CLSTN1: variants seen among roughly 807,000 people sequenced by gnomAD.
CLSTN1 encodes calsyntenin 1, also known as calsyntenin-1.
CLSTN1 carries 28 observed loss-of-function variants against 108.3 expected under a neutral mutation model. That is an observed-to-expected ratio of 0.26 (90% CI 0.19 to 0.35). The LOEUF is 0.35. CLSTN1 is among the 10% of genes least tolerant of loss of function. CLSTN1 has a pLI of 1.00. For synonymous variants in CLSTN1, 524 were observed against 534.9 expected (o/e 0.98, Z 0.28); for missense variants, 1,157 against 1,302.6 (o/e 0.89, Z 1.72).
chr1:9,793,277 T>C (rs892159642), intron 1 of CLSTN1, among the ~76,000 whole-genome samples: 4 of 151,402 alleles, frequency 2.6e-5, no homozygotes, highest in Non-Finnish European at 4.4e-5. Flanking sequence ...CCTCCCAAAG[T>C]GTTGGGATTA....
chr1:9,750,167 T>C (rs886585728), intron 5 of CLSTN1: 13 of 366,696 alleles, frequency 3.5e-5, no homozygotes, highest in Non-Finnish European at 4.9e-5. Flanking sequence ...CAGTGTTACA[T>C]TGGGCTTTAC....
chr1:9,802,321 A>G (rs1243529331), intron 1 of CLSTN1, among the ~76,000 whole-genome samples: 2 of 152,208 alleles, frequency 1.3e-5, no homozygotes, highest in East Asian at 3.8e-4. Flanking sequence ...TGGCTAAATT[A>G]TATCAGGCCA....
Position 9,741,145 on chromosome 1 carries a change from G to A in CLSTN1, c.1468C>T (p.Leu490Phe), listed in dbSNP as rs748347711. 1 of 1,614,182 alleles carries A rather than the reference G, an allele frequency of 6.2e-7. No individual in the cohort carries two copies. The highest frequency in any genetic ancestry group is 8.5e-7 in the Non-Finnish European group (1 of 1,180,018). Reference sequence around the variant, plus strand: ...TGAGTTTCTATCTTGGATGGATGGAGCGGGTAATCCTCAGTCACAGAGAAG... The same window carrying A: ...TGAGTTTCTATCTTGGATGGATGGAACGGGTAATCCTCAGTCACAGAGAAG... Reference protein sequence around the residue: ...EPFSVTEDYPLHPSKIETQLV... With the variant: ...EPFSVTEDYPFHPSKIETQLV... Residue 490 changes from leucine (L) to phenylalanine (F), a missense_variant, in exon 10 of 19, where the codon CTC (leucine) becomes TTC (phenylalanine). Coordinates refer to ENST00000377298, the MANE Select transcript of CLSTN1 (RefSeq NM_001009566.3).
intron 1 of CLSTN1, among the ~76,000 whole-genome samples, chr1:9,776,388 T>A: frequency 6.6e-6 from 1 of 152,164 alleles, no homozygotes; most frequent in East Asian, 1.9e-4. Flanking sequence ...AGTTGTTGTT[T>A]AATGGGTATA....
intron 10 of CLSTN1, among the ~76,000 whole-genome samples, chr1:9,738,945 C>A (rs928924697): frequency 5.9e-5 from 9 of 152,192 alleles, no homozygotes; most frequent in Non-Finnish European, 4.4e-5. Flanking sequence ...AGCCACTGCG[C>A]ACGGTCATCT....
At chr1:9,804,787 A>G (rs1654436061) in intron 1 of CLSTN1, among the ~76,000 whole-genome samples, 1 of 151,940 alleles carries the variant, frequency 6.6e-6, no homozygotes, top group African/African-American at 2.4e-5. Flanking sequence ...AGCCGAGTTT[A>G]TGCCACTGCA....
At chr1:9,757,366 C>T (rs1357291649) in intron 2 of CLSTN1, among the ~76,000 whole-genome samples, 8 of 151,150 alleles carry the variant, frequency 5.3e-5, no homozygotes, top group African/African-American at 1.9e-4. Flanking sequence ...CTCAGCCTCC[C>T]GAGTAGCTGG....
rs775282703 is a variant in CLSTN1, at chr1:9,735,641, G to T, written c.1735-26C>A. On this transcript the variant is annotated intron_variant, in intron 12 of 18. Coordinates refer to ENST00000377298, the MANE Select transcript of CLSTN1 (RefSeq NM_001009566.3). ...CTGAAATCACACCAGCCACAGAGAG[G>T]AGAAGAATAAGCCAGTAACCGCAGG... 28 of 1,613,574 alleles carry T rather than the reference G, an allele frequency of 1.7e-5. No homozygotes were observed. The South Asian group carries it at 1.8e-4, about 10-fold the overall frequency.
chr1:9,756,254 G>A (rs902059533), intron 3 of CLSTN1, among the ~76,000 whole-genome samples: 1 of 152,186 alleles, frequency 6.6e-6, no homozygotes, highest in African/African-American at 2.4e-5. Context: ...AAAATGTACA[G>A]TGTTATCCAT....
intron 4 of CLSTN1, among the ~76,000 whole-genome samples, chr1:9,754,376 A>AT (rs1651712661): frequency 6.6e-6 from 1 of 152,110 alleles, no homozygotes; most frequent in Non-Finnish European, 1.5e-5. Flanking sequence ...CCTGGCCAAC[A>AT]TGGTGAAACC....
chr1:9,747,324 CATGCATGGTTT>C (rs1161301712), intron 7 of CLSTN1, among the ~76,000 whole-genome samples: 1 of 151,092 alleles, frequency 6.6e-6, no homozygotes, highest in African/African-American at 2.4e-5. Context: ...ATTATACTTA[CATGCATGGTTT>C]AAAACAGAAA....
intron 6 of CLSTN1, 49 bp from the exon 7 acceptor site, chr1:9,749,695 C>T: frequency 1.2e-6 from 2 of 1,610,870 alleles, no homozygotes; most frequent in Non-Finnish European, 1.7e-6. Flanking sequence ...AAAACACACA[C>T]TCTAGGTTGC....
chr1:9,820,865 G>A (rs1179403121), intron 1 of CLSTN1, among the ~76,000 whole-genome samples: 1 of 152,206 alleles, frequency 6.6e-6, no homozygotes, highest in Non-Finnish European at 1.5e-5. Flanking sequence ...AGGGAAACAG[G>A]ATTTAGGGGT....
At chr1:9,755,042 C>T (rs1651744679) in intron 4 of CLSTN1, 72 bp downstream of exon 4, 1 of 1,266,108 alleles carries the variant, frequency 7.9e-7, no homozygotes, top group African/African-American at 1.5e-5. Flanking sequence ...AGGCAATAGT[C>T]ACTACTATTT....
At chr1:9,771,531 T>C (rs548435578) in intron 2 of CLSTN1, among the ~76,000 whole-genome samples, 3 of 152,224 alleles carry the variant, frequency 2.0e-5, no homozygotes, top group South Asian at 4.1e-4. Flanking sequence ...GGAGAACTGC[T>C]TGAACCCGGG....
chr1:9,774,282 C>T (rs2101164999), intron 1 of CLSTN1, among the ~76,000 whole-genome samples: 1 of 152,196 alleles, frequency 6.6e-6, no homozygotes, highest in Middle Eastern at 3.4e-3. Context: ...TAAGAATAAT[C>T]CATCCGGGCG....
intron 1 of CLSTN1, among the ~76,000 whole-genome samples, chr1:9,819,951 G>A (rs1050566050): frequency 6.6e-5 from 10 of 151,952 alleles, no homozygotes; most frequent in African/African-American, 2.4e-4. Context: ...TAGCCACAGA[G>A]CTACAGCCTT....
intron 17 of CLSTN1, 42 bp from the exon 18 acceptor site, chr1:9,731,432 C>T: frequency 6.3e-7 from 1 of 1,598,712 alleles, no homozygotes; most frequent in South Asian, 1.1e-5. Flanking sequence ...TCACTCGGCC[C>T]AGAAGGCCAC....
At chr1:9,818,023 T>C (rs903103942) in intron 1 of CLSTN1, among the ~76,000 whole-genome samples, 5 of 102,288 alleles carry the variant, frequency 4.9e-5, no homozygotes, top group Admixed American at 1.0e-4. Flanking sequence ...TTTTTTTTTT[T>C]AGAGACAGAG....
Sources: allele counts gnomAD v4.1 joint callset (sites outside exome capture counted in the v4.1 genomes callset), GRCh38; gene constraint gnomAD v4.1.1; transcripts MANE v1.5; gene names NCBI Gene and HGNC (gene_info 2026-07-23, HGNC 2026-07-21).